MRAP2: variants seen among roughly 807,000 people sequenced by gnomAD.
MRAP2 encodes the protein melanocortin-2 receptor accessory protein 2.
In MRAP2, 20 loss-of-function variants were observed where a neutral mutation model predicts 17.4. That is an observed-to-expected ratio of 1.15 (90% CI 0.81 to 1.67). The LOEUF (loss-of-function observed/expected upper bound fraction) is 1.67. Among genes scored for constraint, MRAP2 ranks in the 40% most tolerant of loss-of-function variants. MRAP2 has a pLI of 0.00. For missense variants in MRAP2, 238 were observed against 240.0 expected (o/e 0.99, Z 0.05); for synonymous variants, 96 against 88.4 (o/e 1.09, Z -0.48).
chr6:84,141,574 TC>T, the MRAP2 span, among the ~76,000 whole-genome samples: 4 of 152,096 alleles, frequency 2.6e-5, no homozygotes, highest in South Asian at 8.3e-4. Context: ...ATCCTAAAAC[TC>T]CTCCAACTTC....
rs75188505 is a variant in MRAP2, at chr6:84,076,992, G to C, written c.228-12099G>C. On this transcript the variant is annotated intron_variant, in intron 3 of 3. Transcript: ENST00000257776. The stretch of plus-strand genomic sequence containing the variant: ...GAAGCTGTGCCTCTCATAGGAATCA[G>C]GGCTTTGGACAAGCCCACAGATATA... Among the ~76,000 whole-genome samples the C allele has an allele frequency of 4.2e-3, 645 of 152,274 alleles. 2 individuals are homozygous for C. Among genetic ancestry groups the C allele is most frequent in the African/African-American group, 0.014 (584 of 41,552 alleles).
the MRAP2 span, among the ~76,000 whole-genome samples, chr6:84,117,651 C>CTG: frequency 0.03 from 3,184 of 105,034 alleles, 55 homozygotes; most frequent in South Asian, 0.12. Context: ...GGGTGTGTGT[C>CTG]TGTGTGTGTG....
intron 3 of MRAP2, among the ~76,000 whole-genome samples, chr6:84,064,848 T>C (rs2099494217): frequency 1.3e-5 from 2 of 152,220 alleles, no homozygotes; most frequent in African/African-American, 4.8e-5. Context: ...AGCAGCTCTC[T>C]TTCATGGTTG....
intron 2 of MRAP2, among the ~76,000 whole-genome samples, chr6:84,057,479 A>G (rs779232292): frequency 2.0e-5 from 3 of 152,232 alleles, no homozygotes; most frequent in Non-Finnish European, 4.4e-5. Context: ...AGGGTGTTTC[A>G]TCTGAGAAGC....
intron 2 of MRAP2, among the ~76,000 whole-genome samples, chr6:84,058,603 G>T (rs2099492286): frequency 6.6e-6 from 1 of 152,160 alleles, no homozygotes; most frequent in East Asian, 1.9e-4. Context: ...CATGTAAACG[G>T]TATGCGTTCA....
intron 3 of MRAP2, among the ~76,000 whole-genome samples, chr6:84,086,110 G>T (rs1292772676): frequency 6.6e-6 from 1 of 152,154 alleles, no homozygotes; most frequent in Non-Finnish European, 1.5e-5. Flanking sequence ...ATACTGAGAG[G>T]TTCTCTAAAA....
At chr6:84,125,652 C>A in the MRAP2 span, among the ~76,000 whole-genome samples, 1 of 152,034 alleles carries the variant, frequency 6.6e-6, no homozygotes, top group Non-Finnish European at 1.5e-5. Flanking sequence ...TGATCTCTCG[C>A]CCCTCTTCCT....
chr6:84,115,167 C>T, the MRAP2 span, among the ~76,000 whole-genome samples: 1 of 152,218 alleles, frequency 6.6e-6, no homozygotes, highest in African/African-American at 2.4e-5. Flanking sequence ...GCTGAAGCTG[C>T]ACTCATAACT....
intron 1 of MRAP2, among the ~76,000 whole-genome samples, chr6:84,036,183 G>GGTAGAT (rs925111433): frequency 6.6e-6 from 1 of 150,568 alleles, no homozygotes; most frequent in Non-Finnish European, 1.5e-5. Flanking sequence ...GAAATATCAA[G>GGTAGAT]GTAGATATAT....
intron 2 of MRAP2, 84 bp downstream of exon 2, chr6:84,055,529 ATTCT>A (rs2099491493): frequency 1.4e-6 from 2 of 1,390,658 alleles, no homozygotes; most frequent in South Asian, 2.5e-5. Flanking sequence ...TCTCCTGAGC[ATTCT>A]TTCTTCTTTA....
the MRAP2 span, among the ~76,000 whole-genome samples, chr6:84,104,650 C>T: frequency 4.6e-5 from 7 of 152,074 alleles, no homozygotes; most frequent in African/African-American, 1.7e-4. Flanking sequence ...GGGTGGATCA[C>T]GAGGTCAGGA....
At chr6:84,107,962 C>T in the MRAP2 span, among the ~76,000 whole-genome samples, 1 of 152,302 alleles carries the variant, frequency 6.6e-6, no homozygotes, top group African/African-American at 2.4e-5. Context: ...GATCTAGCAA[C>T]AATGTGGGAT....
At chr6:84,091,138 G>A (rs1302662341), downstream of MRAP2, among the ~76,000 whole-genome samples, 1 of 143,810 alleles carries the variant, frequency 7.0e-6, no homozygotes, top group Admixed American at 6.7e-5. Context: ...GAATTTTTTT[G>A]TAATTAAAGC....
intron 2 of MRAP2, chr6:84,061,700 A>C (rs1263946429): frequency 4.6e-6 from 4 of 872,842 alleles, no homozygotes; most frequent in Non-Finnish European, 5.5e-6. Context: ...GCTGTGGCTA[A>C]GGTAAATACA....
the MRAP2 span, among the ~76,000 whole-genome samples, chr6:84,129,895 G>A: frequency 6.6e-6 from 1 of 152,074 alleles, no homozygotes; most frequent in African/African-American, 2.4e-5. Context: ...CCATTACTAA[G>A]TTGAATTGAA....
rs2099486485 is a variant in MRAP2, at chr6:84,037,628, C to A, written c.-8+3745C>A. 1.3e-5 allele frequency among the ~76,000 whole-genome samples: 2 copies of A among 152,204 alleles called. 1 individual carries two copies. The highest frequency in any genetic ancestry group is 4.1e-4 in the South Asian group (2 of 4,836). On this transcript the variant is annotated intron_variant, in intron 1 of 3. Coordinates refer to ENST00000257776, the MANE Select transcript of MRAP2 (RefSeq NM_138409.4). ...GCTGCAGGTCCTGAGCTCTGCCCCACAGGGAGGCGGCTGAGGCCCGGTGAG... is the reference window on the plus strand; with the variant it reads ...GCTGCAGGTCCTGAGCTCTGCCCCAAAGGGAGGCGGCTGAGGCCCGGTGAG...
chr6:84,081,384 TATCTC>T (rs2099498950), intron 3 of MRAP2, among the ~76,000 whole-genome samples: 1 of 152,330 alleles, frequency 6.6e-6, no homozygotes, highest in East Asian at 1.9e-4. Context: ...TCCCTACCCA[TATCTC>T]ATCTCAAGTT....
the MRAP2 span, among the ~76,000 whole-genome samples, chr6:84,110,505 G>T: frequency 5.9e-4 from 90 of 152,112 alleles, no homozygotes; most frequent in African/African-American, 2.2e-3. Flanking sequence ...TGGATAGATT[G>T]CAAAGATTTT....
At chr6:84,042,020 C>T (rs2099487720) in intron 1 of MRAP2, among the ~76,000 whole-genome samples, 1 of 152,160 alleles carries the variant, frequency 6.6e-6, no homozygotes, top group Admixed American at 6.5e-5. Flanking sequence ...TCATCTTGAA[C>T]TGTAGTGCTC....
Sources: allele counts gnomAD v4.1 joint callset (sites outside exome capture counted in the v4.1 genomes callset), GRCh38; gene constraint gnomAD v4.1.1; transcripts MANE v1.5; gene names NCBI Gene and HGNC (gene_info 2026-07-23, HGNC 2026-07-21).